Variants in SSX7 observed in about 807,000 individuals in gnomAD.
SSX7 encodes the protein SSX family member 7, also known as protein SSX7.
Under a neutral mutation model 14.7 loss-of-function variants are expected in SSX7, and 15 were observed. The ratio of observed to expected loss-of-function variants is 1.02; its 90% confidence interval spans 0.68 to 1.58. The LOEUF (loss-of-function observed/expected upper bound fraction) is 1.58, where lower values mean the gene tolerates loss of function less well. Among genes scored for constraint, SSX7 ranks in the 40% most tolerant of loss-of-function variants. The pLI is 0.00. For synonymous variants in SSX7, 46 were observed against 50.6 expected (o/e 0.91, Z 0.38); for missense variants, 178 against 146.8 (o/e 1.21, Z -1.10).
chrX:52,644,643 A>G lies in SSX7; in HGVS notation c.*32T>C. ...GAAAGGTCACCACGTTCTGCTTCTC[A>G]TCATGGGCATATGTCGTATCCCCGA... On this transcript the variant is annotated 3_prime_UTR_variant, in exon 8 of 8. Coordinates refer to ENST00000298181, the MANE Select transcript of SSX7 (RefSeq NM_173358.2). 2 of 1,196,398 alleles carry G rather than the reference A, an allele frequency of 1.7e-6. No homozygotes were observed. The highest frequency in any genetic ancestry group is 1.8e-5 in the South Asian group (1 of 56,698).
chrX:52,645,462 G>A lies in SSX7; in HGVS notation c.548C>T (p.Pro183Leu), dbSNP rs782277755. 2.5e-6 allele frequency: 3 copies of A among 1,197,604 alleles called. No homozygotes were observed. ...ACGGAGTTACTCGTCGTCTTCTTCA[G>A]GGTCGCTGATCTCTTCATAAATCAC... ...QLVIYEEISDPEEDDE is the reference protein window; with the variant it reads ...QLVIYEEISDLEEDDE The change falls in exon 7 of 8, where the codon CCT becomes CTT. Residue 183 changes from proline (P) to leucine (L), a missense_variant. Coordinates refer to ENST00000298181, the MANE Select transcript of SSX7 (RefSeq NM_173358.2).
chrX:52,651,705 G>A (rs782314408), intron 4 of SSX7, among the ~76,000 whole-genome samples: 13 of 110,867 alleles, frequency 1.2e-4, no homozygotes, highest in African/African-American at 2.6e-4. Context: ...GTAAAACCCC[G>A]TCTCTACCAA....
At chrX:52,645,219 G>T (rs1239134200) in intron 7 of SSX7, among the ~76,000 whole-genome samples, 3 of 108,845 alleles carry the variant, frequency 2.8e-5, no homozygotes, top group Non-Finnish European at 5.7e-5. Context: ...TGCAGTAAGC[G>T]GAGATCATGC....
rs868973876 is a variant in SSX7, at chrX:52,654,363, A to T, written c.-21+399T>A. 8.8e-4 allele frequency among the ~76,000 whole-genome samples: 17 copies of T among 19,221 alleles called. No homozygotes were observed. In the East Asian group the frequency reaches 9.0e-3, roughly 10 times the overall value. 16.7% of individuals were successfully genotyped at this position (19,221 alleles called of 115,157 possible). A position where few individuals can be genotyped will look rare whatever the true frequency, so the allele number is the denominator to read the frequency against. On this transcript the variant is annotated intron_variant, in intron 1 of 7. Coordinates refer to ENST00000298181, the MANE Select transcript of SSX7 (RefSeq NM_173358.2). ...GATCCCAGGAGGAAAGATTTGAGTG[A>T]GTTTTTTTTTTTTTTTTTTTTTGAG...
intron 1 of SSX7, 76 bp from the exon 2 acceptor site, chrX:52,653,568 G>A (rs1925510790): frequency 4.5e-6 from 5 of 1,115,866 alleles, no homozygotes; most frequent in Non-Finnish European, 6.2e-6. Flanking sequence ...GTGAAGGCCG[G>A]CCACCCTCAG....
chrX:52,648,242 C>A lies in SSX7; in HGVS notation c.466+19G>T, dbSNP rs1222038173. On this transcript the variant is annotated intron_variant, in intron 6 of 7. Transcript: ENST00000298181. ...GCCACGGAAGCCAGAGGGTTTGTTC[C>A]CGAATTCTTTCCTCTTACCGGATGT... 1 of 1,204,427 alleles carries A rather than the reference C, an allele frequency of 8.3e-7. No homozygotes were observed. The highest frequency in any genetic ancestry group is 1.8e-5 in the African/African-American group (1 of 57,047).
Position 52,648,261 on chromosome X carries a change from C to G in SSX7, c.466G>C (p.Gly156Arg), listed in dbSNP as rs145931176. 89 of 1,207,109 alleles carry G rather than the reference C, an allele frequency of 7.4e-5. No homozygotes were observed. Among genetic ancestry groups the G allele is most frequent in the Non-Finnish European group, 8.9e-5 (80 of 894,114 alleles). The change falls in exon 6 of 8, where the codon GGA becomes CGA. Residue 156 changes from glycine (G) to arginine (R), a missense_variant and splice_region_variant. Physicochemically the swap from Gly to Arg is moderately radical, Grantham distance 125 (BLOSUM62 -2). Coordinates refer to ENST00000298181, the MANE Select transcript of SSX7 (RefSeq NM_173358.2). The part of the protein sequence containing the change: ...STSEKINKTS[G>R]PKRGKHAWTH... ...TTGTTCCCGAATTCTTTCCTCTTAC[C>G]GGATGTCTTGTTAATCTTCTCAGAG...
intron 6 of SSX7, 91 bp downstream of exon 6, chrX:52,648,170 C>G (rs1165168900): frequency 8.9e-7 from 1 of 1,124,313 alleles, no homozygotes; most frequent in African/African-American, 1.8e-5. Context: ...TGGACCCAGG[C>G]TTGTCTGGGG....
chrX:52,654,128 G>C (rs1230785307), intron 1 of SSX7, among the ~76,000 whole-genome samples: 3 of 110,792 alleles, frequency 2.7e-5, no homozygotes, highest in Admixed American at 9.7e-5. Flanking sequence ...TCAGCCAGGC[G>C]CAGTGGCTCA....
chrX:52,651,406 A>T (rs1436401528), intron 4 of SSX7, among the ~76,000 whole-genome samples: 2 of 111,698 alleles, frequency 1.8e-5, no homozygotes. Flanking sequence ...CTCTTGTAAC[A>T]TTTTTTTAGC....
At position 52,653,499 on chromosome X, in the gene SSX7, G is replaced by A. The variant is rs782636843; in HGVS notation, c.-20-7C>T. 5.0e-6 allele frequency: 6 copies of A among 1,211,218 alleles called. No individual in the cohort carries two copies. Among genetic ancestry groups the A allele is most frequent in the East Asian group, 3.0e-5 (1 of 33,828 alleles). On this transcript the variant is annotated splice_polypyrimidine_tract_variant and splice_region_variant and intron_variant, in intron 1 of 7. Coordinates refer to ENST00000298181, the MANE Select transcript of SSX7 (RefSeq NM_173358.2). ...GCACCAGGAGCAGTCTGACCTGCAA[G>A]AGAAATAGCCTGAGTCTTTCCAGCC...
intron 6 of SSX7, among the ~76,000 whole-genome samples, chrX:52,647,846 A>G (rs1556766513): frequency 8.9e-6 from 1 of 112,067 alleles, no homozygotes; most frequent in East Asian, 2.8e-4. Flanking sequence ...CCGAATCTGC[A>G]ATATCTCTGA....
At chrX:52,646,919 T>A (rs1925269659) in intron 6 of SSX7, among the ~76,000 whole-genome samples, 1 of 112,332 alleles carries the variant, frequency 8.9e-6, no homozygotes, top group East Asian at 2.8e-4. Context: ...AAGCTGTGAA[T>A]GCAAAGGAAA....
chrX:52,646,031 AAAT>A (rs1556766322), intron 6 of SSX7, among the ~76,000 whole-genome samples: 7 of 110,408 alleles, frequency 6.3e-5, no homozygotes, highest in Non-Finnish European at 1.3e-4. Context: ...TAGTCTTTTA[AAAT>A]AATTTTAATT....
chrX:52,647,481 A>C (rs782612750), intron 6 of SSX7, among the ~76,000 whole-genome samples: 1 of 112,261 alleles, frequency 8.9e-6, no homozygotes, highest in South Asian at 3.7e-4. Flanking sequence ...ATCACATACT[A>C]CAGAGAAATC....
rs1925482250 is a variant in SSX7 at position 52,652,897 on chromosome X, T to C, written c.157A>G (p.Arg53Gly). ...LEKISYVYMK[R>G]KYEAMTKLGF... Reference sequence around the variant, plus strand: ...AGTTTAGTCATGGCCTCATACTTTCTCTTCATATACACATAGCTGATTTTC... The same window carrying C: ...AGTTTAGTCATGGCCTCATACTTTCCCTTCATATACACATAGCTGATTTTC... The change falls in exon 3 of 8, where the codon AGA (arginine) becomes GGA (glycine). Residue 53 changes from arginine to glycine, a missense_variant. By Grantham distance (125) the Arg-to-Gly change is moderately radical (BLOSUM62 -2). Coordinates refer to ENST00000298181, the MANE Select transcript of SSX7 (RefSeq NM_173358.2). 1.7e-6 allele frequency: 2 copies of C among 1,202,085 alleles called. No individual in the cohort carries two copies. Among genetic ancestry groups the C allele is most frequent in the South Asian group, 3.5e-5 (2 of 56,668 alleles).
chrX:52,644,650 G>A lies in SSX7; in HGVS notation c.*25C>T, dbSNP rs185852650. 1.3e-4 allele frequency: 161 copies of A among 1,194,313 alleles called. No homozygotes were observed. In the African/African-American group the frequency reaches 2.8e-3, roughly 21 times the overall value. On this transcript the variant is annotated 3_prime_UTR_variant, in exon 8 of 8. Transcript: ENST00000298181. Reference sequence around the variant, plus strand: ...CACCACGTTCTGCTTCTCATCATGGGCATATGTCGTATCCCCGAGGCTGAG... The same window carrying A: ...CACCACGTTCTGCTTCTCATCATGGACATATGTCGTATCCCCGAGGCTGAG...
At chrX:52,651,597 G>A (rs1208935733) in intron 4 of SSX7, among the ~76,000 whole-genome samples, 4 of 111,372 alleles carry the variant, frequency 3.6e-5, no homozygotes, top group Admixed American at 9.6e-5. Flanking sequence ...CAAACAGGCC[G>A]GGCATGGTAG....
intron 5 of SSX7, among the ~76,000 whole-genome samples, chrX:52,649,452 A>G (rs1556766740): frequency 1.8e-5 from 2 of 112,281 alleles, no homozygotes; most frequent in Admixed American, 9.4e-5. Flanking sequence ...AATAACAATT[A>G]ATACCTTTCA....
Sources: allele counts gnomAD v4.1 joint callset (sites outside exome capture counted in the v4.1 genomes callset), GRCh38; gene constraint gnomAD v4.1.1; transcripts MANE v1.5; gene names NCBI Gene and HGNC (gene_info 2026-07-23, HGNC 2026-07-21).